LRP1B: variants seen among roughly 807,000 people sequenced by gnomAD.
LRP1B encodes low-density lipoprotein receptor-related protein 1B.
A neutral mutation model predicts 556.6 loss-of-function variants in LRP1B; 217 were observed. The ratio of observed to expected loss-of-function variants is 0.39; its 90% CI spans 0.35 to 0.44. The LOEUF is 0.44. Among genes scored for constraint, LRP1B ranks in the 20% least tolerant of loss-of-function variants. The pLI is 1.00. For missense variants in LRP1B, 5,053 were observed against 5,620.8 expected (o/e 0.90, Z 3.23); for synonymous variants, 2,047 against 1,865.8 (o/e 1.10, Z -2.50).
intron 3 of LRP1B, among the ~76,000 whole-genome samples, chr2:141,453,633 GT>G (rs1681507507): frequency 6.6e-6 from 1 of 152,054 alleles, no homozygotes; most frequent in Admixed American, 6.6e-5. Flanking sequence ...AAGTTCTACT[GT>G]TAGCTGGGCT....
chr2:141,096,636 G>C (rs1558858189), intron 7 of LRP1B, among the ~76,000 whole-genome samples: 3 of 58,686 alleles, frequency 5.1e-5, no homozygotes, highest in Non-Finnish European at 1.1e-4. Context: ...GGGGGAGAGA[G>C]AGAGAGAGAG....
At chr2:140,643,046 G>T (rs976561389) in intron 41 of LRP1B, among the ~76,000 whole-genome samples, 1 of 150,972 alleles carries the variant, frequency 6.6e-6, no homozygotes, top group African/African-American at 2.4e-5. Flanking sequence ...GATGTAATAT[G>T]AACACAGAGT....
chr2:140,868,024 G>A lies in LRP1B; in HGVS notation c.4334+75C>T, dbSNP rs1387687010. The A allele has an allele frequency of 4.8e-6, 7 of 1,464,666 alleles. No homozygotes were observed. In the Admixed American group the frequency reaches 6.8e-5, roughly 14 times the overall value. The allele number at this position is 1,464,666 out of a possible 1,614,324, so 90.7% of individuals were successfully genotyped here. ...ATATATGTATACATGATACTGACAT[G>A]TTAGGACACTTTCCAATGTTGTAAA... is the stretch of plus-strand genomic sequence containing the variant. On this transcript the variant is annotated intron_variant, in intron 26 of 90. Transcript: ENST00000389484.
chr2:141,002,488 A>C (rs984181254), intron 15 of LRP1B, among the ~76,000 whole-genome samples: 4 of 152,084 alleles, frequency 2.6e-5, no homozygotes, highest in African/African-American at 9.7e-5. Context: ...GGATACTCAC[A>C]TCCTTTATAT....
chr2:141,877,911 C>T (rs561487050), intron 1 of LRP1B, among the ~76,000 whole-genome samples: 1 of 151,920 alleles, frequency 6.6e-6, no homozygotes, highest in Admixed American at 6.6e-5. Context: ...ATTCGTGCAC[C>T]TGGGCTTATA....
At chr2:141,092,585 A>G (rs898532594) in intron 7 of LRP1B, among the ~76,000 whole-genome samples, 1 of 152,206 alleles carries the variant, frequency 6.6e-6, no homozygotes, top group Non-Finnish European at 1.5e-5. Context: ...AGTAGACAGA[A>G]TAGTGTTAAT....
chr2:140,723,553 A>C (rs961583859), intron 35 of LRP1B, among the ~76,000 whole-genome samples: 1 of 5,390 alleles, frequency 1.9e-4, no homozygotes, highest in African/African-American at 4.7e-4. Context: ...CATTTAAATT[A>C]TGTTAGCATA....
chr2:140,623,956 GTA>G (rs3060390), intron 41 of LRP1B, among the ~76,000 whole-genome samples: 36,917 of 106,390 alleles, frequency 0.35, 6,885 homozygotes, highest in East Asian at 0.44. Flanking sequence ...TTTTATTTAT[GTA>G]TATATATATA....
rs77456611 is a variant in LRP1B at position 141,098,393 on chromosome 2, G to T, written c.1014-36120C>A. On this transcript the variant is annotated intron_variant, in intron 7 of 90. Coordinates refer to ENST00000389484, the MANE Select transcript of LRP1B (RefSeq NM_018557.3). The stretch of plus-strand genomic sequence containing the variant: ...AATCAGCTAATGTGAATTTCTATTT[G>T]GATAATTATTGTATAATGTGAAATG... Among the ~76,000 whole-genome samples, 1,225 of 152,220 alleles carry T rather than the reference G, an allele frequency of 8.0e-3. 17 individuals are homozygous for T. The highest frequency in any genetic ancestry group is 0.028 in the African/African-American group (1,177 of 41,530).
chr2:141,678,331 T>C (rs900249432), intron 2 of LRP1B, among the ~76,000 whole-genome samples: 2 of 152,020 alleles, frequency 1.3e-5, no homozygotes, highest in South Asian at 2.1e-4. Flanking sequence ...ATAGCCATAA[T>C]ATAAGGGAAA....
At chr2:142,117,320 G>T (rs1480019428) in intron 1 of LRP1B, among the ~76,000 whole-genome samples, 1 of 152,070 alleles carries the variant, frequency 6.6e-6, no homozygotes, top group African/African-American at 2.4e-5. Flanking sequence ...CAAGGGGGAG[G>T]AAGATGTGAA....
rs79718809 is a variant in LRP1B, at chr2:141,194,328, C to A, written c.851-5745G>T. ...ATTTTCTATATTGATTTTCTACCAACCAGAAATGGCAAATTTAAATGTCTA... is the reference window on the plus strand; with the variant it reads ...ATTTTCTATATTGATTTTCTACCAAACAGAAATGGCAAATTTAAATGTCTA... On this transcript the variant is annotated intron_variant, in intron 6 of 90. Coordinates refer to ENST00000389484, the MANE Select transcript of LRP1B (RefSeq NM_018557.3). Among the ~76,000 whole-genome samples the A allele has an allele frequency of 9.8e-3, 1,488 of 152,076 alleles. 21 individuals are homozygous for A. Among genetic ancestry groups the A allele is most frequent in the East Asian group, 0.036 (187 of 5,148 alleles).
Position 140,694,950 on chromosome 2 carries a change from A to T in LRP1B, c.6799+5300T>A, listed in dbSNP as rs577852121. On this transcript the variant is annotated intron_variant, in intron 41 of 90. Coordinates refer to ENST00000389484, the MANE Select transcript of LRP1B (RefSeq NM_018557.3). Reference sequence around the variant, plus strand: ...ACAAATTTTTTTCTTACATATGTATATTTGGCCTCCTGGATGTCCCTATTT... The same window carrying T: ...ACAAATTTTTTTCTTACATATGTATTTTTGGCCTCCTGGATGTCCCTATTT... 2.0e-3 allele frequency among the ~76,000 whole-genome samples: 297 copies of T among 151,646 alleles called. 2 individuals are homozygous for T. Among genetic ancestry groups the T allele is most frequent in the African/African-American group, 6.9e-3 (287 of 41,350 alleles).
intron 3 of LRP1B, among the ~76,000 whole-genome samples, chr2:141,427,958 T>A (rs1680429722): frequency 6.6e-6 from 1 of 152,130 alleles, no homozygotes; most frequent in Admixed American, 6.6e-5. Context: ...TAAGAGTACT[T>A]TTCACTACTA....
chr2:141,764,277 T>C lies in LRP1B; in HGVS notation c.205+46002A>G, dbSNP rs529043794. Reference sequence around the variant, plus strand: ...CTCACTGCAAGCTCCGCCTCCCGGGTTCACGCCATTCTCCTGCCTCAGCCT... The same window carrying C: ...CTCACTGCAAGCTCCGCCTCCCGGGCTCACGCCATTCTCCTGCCTCAGCCT... On this transcript the variant is annotated intron_variant, in intron 2 of 90. Coordinates refer to ENST00000389484, the MANE Select transcript of LRP1B (RefSeq NM_018557.3). 7.9e-5 allele frequency among the ~76,000 whole-genome samples: 12 copies of C among 152,016 alleles called. No individual in the cohort carries two copies. The East Asian group carries it at 2.3e-3, about 30-fold the overall frequency.
At chr2:140,778,631 C>T (rs553195317) in intron 32 of LRP1B, among the ~76,000 whole-genome samples, 339 of 151,990 alleles carry the variant, frequency 2.2e-3, no homozygotes, top group African/African-American at 7.9e-3. Context: ...GAAAATTAGG[C>T]CAATACATTA....
intron 2 of LRP1B, among the ~76,000 whole-genome samples, chr2:141,486,573 C>T (rs1683129460): frequency 6.6e-6 from 1 of 152,058 alleles, no homozygotes; most frequent in Admixed American, 6.6e-5. Flanking sequence ...TTAGCGGAAA[C>T]AGCATGACTT....
rs1006211969 is a variant in LRP1B, at chr2:141,305,629, A to C, written c.344-50988T>G. Among the ~76,000 whole-genome samples, 10 of 152,272 alleles carry C rather than the reference A, an allele frequency of 6.6e-5. No homozygotes were observed. The East Asian group carries it at 1.2e-3, about 18-fold the overall frequency. On this transcript the variant is annotated intron_variant, in intron 3 of 90. Coordinates refer to ENST00000389484, the MANE Select transcript of LRP1B (RefSeq NM_018557.3). ...TGCTAGGACTTCCAGTAGTATGTCG[A>C]ATAACAGTGGTGAACGTGGACATAT...
At chr2:140,982,315 G>T in intron 17 of LRP1B, 39 bp from the exon 18 acceptor site, 1 of 1,336,512 alleles carries the variant, frequency 7.5e-7, no homozygotes. Context: ...TCAATTTAGA[G>T]GCATTTTGAA....
Sources: gnomAD v4.1 joint callset for allele counts (sites outside exome capture counted in the v4.1 genomes callset) on GRCh38, gnomAD v4.1.1 for gene constraint, MANE v1.5 for transcripts, NCBI Gene and HGNC (gene_info 2026-07-23, HGNC 2026-07-21) for gene names.